Variants in NAV3 observed in about 807,000 individuals in gnomAD.
The protein encoded by NAV3 is pore membrane and/or filament interacting like protein 1.
Under a neutral mutation model 244.7 loss-of-function variants are expected in NAV3, and 87 were observed. The ratio of observed to expected loss-of-function variants is 0.36; its 90% CI spans 0.30 to 0.42. The LOEUF is 0.42. NAV3 is among the 20% of genes least tolerant of loss of function. NAV3 has a pLI of 1.00. For synonymous variants in NAV3, 1,126 were observed against 1,042.2 expected (o/e 1.08, Z -1.55); for missense variants, 2,663 against 2,893.3 (o/e 0.92, Z 1.83).
At chr12:77,644,319 A>G (rs1872534799) in intron 2 of NAV3, among the ~76,000 whole-genome samples, 1 of 152,054 alleles carries the variant, frequency 6.6e-6, no homozygotes, top group Non-Finnish European at 1.5e-5. Flanking sequence ...GGAAGGAGGG[A>G]CAGATAGAAG....
chr12:77,697,667 T>C (rs886691824), intron 2 of NAV3, among the ~76,000 whole-genome samples: 1 of 152,160 alleles, frequency 6.6e-6, no homozygotes, highest in African/African-American at 2.4e-5. Flanking sequence ...TAAGTGGTTA[T>C]ATATAGCAGA....
In NAV3 at chr12:77,953,385, G is replaced by A. The variant is rs138549992; in HGVS notation, c.414+12252G>A. Among the ~76,000 whole-genome samples, 372 of 152,110 alleles carry A rather than the reference G, an allele frequency of 2.4e-3. 4 individuals carry two copies. The highest frequency in any genetic ancestry group is 7.6e-3 in the African/African-American group (314 of 41,496). ...TTGAATATACCCTTCTCCATTTCTA[G>A]TGTGGATATATGTGTGTGTATACAT... On this transcript the variant is annotated intron_variant, in intron 3 of 39. Coordinates refer to ENST00000397909, the MANE Select transcript of NAV3 (RefSeq NM_001024383.2).
chr12:78,138,071 A>G (rs924773857), intron 19 of NAV3, among the ~76,000 whole-genome samples: 1 of 152,166 alleles, frequency 6.6e-6, no homozygotes, highest in Non-Finnish European at 1.5e-5. Context: ...TTTAGTATCC[A>G]TAAAGAAAAC....
At chr12:77,593,639 T>C (rs571953524) in intron 2 of NAV3, among the ~76,000 whole-genome samples, 2 of 147,576 alleles carry the variant, frequency 1.4e-5, no homozygotes, top group South Asian at 4.3e-4. Flanking sequence ...TACTTTTTTT[T>C]TTTTTTTTGT....
At chr12:77,720,378 G>A (rs1041571389) in intron 2 of NAV3, among the ~76,000 whole-genome samples, 6 of 152,118 alleles carry the variant, frequency 3.9e-5, no homozygotes, top group African/African-American at 1.4e-4. Context: ...TTTTCTGTGG[G>A]TGTCTTCTCA....
At chr12:77,848,759 A>G (rs940319229) in intron 1 of NAV3, among the ~76,000 whole-genome samples, 5 of 152,216 alleles carry the variant, frequency 3.3e-5, no homozygotes, top group Non-Finnish European at 1.5e-5. Flanking sequence ...TGAACAAGAT[A>G]TATGCTACAT....
chr12:78,131,721 T>C (rs563468365), intron 18 of NAV3, among the ~76,000 whole-genome samples: 1 of 152,302 alleles, frequency 6.6e-6, no homozygotes, highest in African/African-American at 2.4e-5. Flanking sequence ...TCGTTTAAAC[T>C]TAATTTTCTT....
intron 3 of NAV3, among the ~76,000 whole-genome samples, chr12:77,956,427 G>A (rs181344117): frequency 6.6e-6 from 1 of 152,250 alleles, no homozygotes; most frequent in Admixed American, 6.5e-5. Context: ...TAGCACTTTA[G>A]CCATTTTCTA....
chr12:77,892,497 T>A (rs1215332310), intron 1 of NAV3, among the ~76,000 whole-genome samples: 1 of 151,786 alleles, frequency 6.6e-6, no homozygotes, highest in African/African-American at 2.4e-5. Flanking sequence ...CTCACTGCAG[T>A]CTCCGCCTCC....
chr12:78,043,994 A>G (rs1881326964), intron 9 of NAV3, among the ~76,000 whole-genome samples: 1 of 152,192 alleles, frequency 6.6e-6, no homozygotes, highest in Non-Finnish European at 1.5e-5. Context: ...TTTACTCATG[A>G]AGTCTTTGCC....
intron 1 of NAV3, among the ~76,000 whole-genome samples, chr12:77,832,084 T>C (rs2136085764): frequency 6.6e-6 from 1 of 152,358 alleles, no homozygotes; most frequent in East Asian, 1.9e-4. Context: ...AAAAGACATT[T>C]ATTTGTAATA....
intron 2 of NAV3, among the ~76,000 whole-genome samples, chr12:77,759,385 T>C (rs1869352341): frequency 6.6e-6 from 1 of 152,208 alleles, no homozygotes; most frequent in African/African-American, 2.4e-5. Flanking sequence ...GATTAAAAGG[T>C]GGAGCTGGTA....
chr12:78,178,262 C>T (rs762955765), intron 28 of NAV3, among the ~76,000 whole-genome samples: 13 of 150,788 alleles, frequency 8.6e-5, no homozygotes, highest in Non-Finnish European at 1.8e-4. Context: ...TGGGTTCAAG[C>T]GATTCTCCTG....
intron 39 of NAV3, among the ~76,000 whole-genome samples, chr12:78,205,815 A>C (rs1245373622): frequency 6.6e-6 from 1 of 152,118 alleles, no homozygotes; most frequent in Non-Finnish European, 1.5e-5. Flanking sequence ...AGTGTTACTA[A>C]CTCACCATTC....
At chr12:77,918,293 T>C (rs1226214304) in intron 1 of NAV3, among the ~76,000 whole-genome samples, 1 of 152,104 alleles carries the variant, frequency 6.6e-6, no homozygotes, top group African/African-American at 2.4e-5. Flanking sequence ...TTTTAGAAAC[T>C]GTATTAACTT....
chr12:77,667,379 C>A (rs1482465364), intron 2 of NAV3, among the ~76,000 whole-genome samples: 1 of 152,134 alleles, frequency 6.6e-6, no homozygotes, highest in East Asian at 1.9e-4. Flanking sequence ...CACAGGCTGC[C>A]TGGAAATAGA....
chr12:77,949,301 A>G (rs554840743), intron 3 of NAV3, among the ~76,000 whole-genome samples: 7 of 152,226 alleles, frequency 4.6e-5, no homozygotes, highest in African/African-American at 1.7e-4. Flanking sequence ...TCATTTAGCC[A>G]TCACGGCAAA....
intron 9 of NAV3, among the ~76,000 whole-genome samples, chr12:78,029,625 T>A (rs181014533): frequency 0.019 from 2,793 of 149,130 alleles, 95 homozygotes; most frequent in African/African-American, 0.064. Flanking sequence ...TCTTCTCACC[T>A]AAAAAAAAAA....
intron 2 of NAV3, among the ~76,000 whole-genome samples, chr12:77,802,193 A>G (rs1472660641): frequency 1.3e-5 from 2 of 152,124 alleles, no homozygotes; most frequent in Non-Finnish European, 2.9e-5. Context: ...TTTGGTATAT[A>G]TTTCTGTTTA....
Sources: gnomAD v4.1 joint callset for allele counts (sites outside exome capture counted in the v4.1 genomes callset) on GRCh38, gnomAD v4.1.1 for gene constraint, MANE v1.5 for transcripts, NCBI Gene and HGNC (gene_info 2026-07-23, HGNC 2026-07-21) for gene names.